The following STAG1 variants were observed in gnomAD, a reference collection of about 807,000 sequenced individuals.
STAG1 encodes cohesin subunit SA-1.
In STAG1, 26 loss-of-function variants were observed where a neutral mutation model predicts 170.9. That is an observed-to-expected ratio of 0.15 (90% CI 0.11 to 0.21). The LOEUF is 0.21. Ranked by LOEUF, STAG1 falls within the 10% of genes least tolerant of loss-of-function variation. The pLI is 1.00. For synonymous variants in STAG1, 514 were observed against 497.7 expected (o/e 1.03, Z -0.44); for missense variants, 964 against 1,509.5 (o/e 0.64, Z 5.99).
At chr3:136,579,958 ATTTTTTTTTTTTT>A (rs749325884) in intron 4 of STAG1, among the ~76,000 whole-genome samples, 3 of 73,626 alleles carry the variant, frequency 4.1e-5, no homozygotes, top group African/African-American at 1.8e-4. Flanking sequence ...TACCATCTGA[ATTTTTTTTTTTTT>A]TTTTTTTTTT....
intron 1 of STAG1, among the ~76,000 whole-genome samples, chr3:136,724,206 T>A (rs887961911): frequency 6.6e-6 from 1 of 152,108 alleles, no homozygotes; most frequent in Non-Finnish European, 1.5e-5. Flanking sequence ...ATGGTTGCCA[T>A]GTCTGTGTAG....
At position 136,668,295 on chromosome 3, in the gene STAG1, AATATATATTATACATGAC is replaced by A. The variant is rs1199712953; in HGVS notation, c.-83-37332_-83-37315del. ...ATAATATATATTATACATGATATATAATATATATTATACATGACATATATATTATACATGATATATACC... is the reference window on the plus strand; with the variant it reads ...ATAATATATATTATACATGATATATAATATATATTATACATGATATATACC... On this transcript the variant is annotated intron_variant, in intron 1 of 33. Coordinates refer to ENST00000383202, the MANE Select transcript of STAG1 (RefSeq NM_005862.3). 9.9e-3 allele frequency among the ~76,000 whole-genome samples: 1,460 copies of A among 146,950 alleles called. 12 individuals are homozygous for A. Among genetic ancestry groups the A allele is most frequent in the Non-Finnish European group, 0.015 (1,034 of 67,072 alleles).
Position 136,572,620 on chromosome 3 carries a change from A to AAAAG in STAG1, c.298-3760_298-3759insCTTT, listed in dbSNP as rs1553747954. Among the ~76,000 whole-genome samples, 10 of 148,644 alleles carry AAAAG rather than the reference A, an allele frequency of 6.7e-5. 1 individual carries two copies. Among genetic ancestry groups the AAAAG allele is most frequent in the African/African-American group, 9.9e-5 (4 of 40,232 alleles). On this transcript the variant is annotated intron_variant, in intron 4 of 33. Coordinates refer to ENST00000383202, the MANE Select transcript of STAG1 (RefSeq NM_005862.3). ...CTGTCTCAAAAAAAAAAAAAAAAAA[A>AAAAG]AAGTAAGCAAGTAAGAGAACAAAGT... is the stretch of plus-strand genomic sequence containing the variant.
At chr3:136,730,914 AAC>A (rs1438640176) in intron 1 of STAG1, among the ~76,000 whole-genome samples, 1 of 152,188 alleles carries the variant, frequency 6.6e-6, no homozygotes, top group Non-Finnish European at 1.5e-5. Flanking sequence ...GACCTGTAAA[AAC>A]ACAGATTGCT....
At chr3:136,350,331 C>T (rs1243073555) in intron 28 of STAG1, among the ~76,000 whole-genome samples, 1 of 152,106 alleles carries the variant, frequency 6.6e-6, no homozygotes. Context: ...CCAGGCTACC[C>T]TGAAAGAAAG....
intron 1 of STAG1, among the ~76,000 whole-genome samples, chr3:136,740,242 C>CA (rs1027631466): frequency 5.3e-5 from 8 of 151,276 alleles, no homozygotes; most frequent in East Asian, 1.9e-4. Flanking sequence ...GATTCCATCT[C>CA]AAAAAAAAGA....
intron 22 of STAG1, among the ~76,000 whole-genome samples, chr3:136,385,953 C>G (rs2086861901): frequency 6.6e-6 from 1 of 152,210 alleles, no homozygotes; most frequent in South Asian, 2.1e-4. Context: ...CCTCCCGCCT[C>G]AGCCTCTCAA....
chr3:136,744,276 G>A (rs765406240), intron 1 of STAG1, among the ~76,000 whole-genome samples: 8 of 152,142 alleles, frequency 5.3e-5, no homozygotes, highest in Admixed American at 2.6e-4. Flanking sequence ...GCGGTAAGCC[G>A]AGATTGCACC....
chr3:136,384,296 C>T (rs553666868), intron 22 of STAG1, among the ~76,000 whole-genome samples: 1 of 150,736 alleles, frequency 6.6e-6, no homozygotes, highest in Non-Finnish European at 1.5e-5. Context: ...ACTAAAAATA[C>T]AAAAACTGCC....
At chr3:136,370,517 C>G (rs554371116) in intron 23 of STAG1, among the ~76,000 whole-genome samples, 3 of 152,148 alleles carry the variant, frequency 2.0e-5, no homozygotes, top group African/African-American at 4.8e-5. Context: ...CCACTCCCCC[C>G]ACCCCACAAC....
intron 15 of STAG1, among the ~76,000 whole-genome samples, chr3:136,435,486 T>C (rs1465248862): frequency 8.5e-5 from 13 of 152,108 alleles, no homozygotes; most frequent in Non-Finnish European, 1.8e-4. Context: ...TCATTTTGCT[T>C]AGTTAGTTCG....
chr3:136,339,296 GGGC>G (rs1935841661), intron 32 of STAG1, among the ~76,000 whole-genome samples: 1 of 152,178 alleles, frequency 6.6e-6, no homozygotes, highest in Non-Finnish European at 1.5e-5. Flanking sequence ...AATCCCAGGT[GGGC>G]GGATCACGAG....
chr3:136,583,197 A>G (rs557006640), intron 4 of STAG1, among the ~76,000 whole-genome samples: 37 of 152,300 alleles, frequency 2.4e-4, no homozygotes, highest in Non-Finnish European at 4.7e-4. Context: ...AATTCAGGGT[A>G]AGGGATATTG....
chr3:136,466,658 CAA>C (rs1277657484), intron 12 of STAG1, among the ~76,000 whole-genome samples: 1 of 152,074 alleles, frequency 6.6e-6, no homozygotes, highest in African/African-American at 2.4e-5. Context: ...GAGAACGCCA[CAA>C]AGATACTCCT....
At chr3:136,692,306 T>C (rs1942752789) in intron 1 of STAG1, among the ~76,000 whole-genome samples, 1 of 82,250 alleles carries the variant, frequency 1.2e-5, no homozygotes, top group Middle Eastern at 9.8e-3. Context: ...TAAGCAAGAC[T>C]CCATCTCAAA....
At chr3:136,523,273 A>G (rs1261085069) in intron 6 of STAG1, among the ~76,000 whole-genome samples, 1 of 152,104 alleles carries the variant, frequency 6.6e-6, no homozygotes, top group African/African-American at 2.4e-5. Context: ...AACTGGTGTG[A>G]GATGGTATCT....
chr3:136,529,171 G>A (rs187996265), intron 6 of STAG1, among the ~76,000 whole-genome samples: 2 of 152,036 alleles, frequency 1.3e-5, no homozygotes, highest in Admixed American at 1.3e-4. Flanking sequence ...ATACCACAGA[G>A]CACCCAAATG....
At chr3:136,498,688 T>G (rs1933295497) in intron 9 of STAG1, among the ~76,000 whole-genome samples, 1 of 151,378 alleles carries the variant, frequency 6.6e-6, no homozygotes, top group Non-Finnish European at 1.5e-5. Flanking sequence ...CTCCATAAAG[T>G]TGCAGTAAAA....
chr3:136,457,628 C>A (rs988745315), intron 13 of STAG1, among the ~76,000 whole-genome samples: 2 of 152,050 alleles, frequency 1.3e-5, no homozygotes, highest in African/African-American at 4.8e-5. Context: ...TCGTAGCCCC[C>A]ACGGCCTGCT....
Sources: allele counts gnomAD v4.1 joint callset (sites outside exome capture counted in the v4.1 genomes callset), GRCh38; gene constraint gnomAD v4.1.1; transcripts MANE v1.5; gene names NCBI Gene and HGNC (gene_info 2026-07-23, HGNC 2026-07-21).